Variants in CNTLN observed in about 807,000 individuals in gnomAD.
The protein encoded by CNTLN is centlein, centrosomal protein.
A neutral mutation model predicts 180.0 loss-of-function variants in CNTLN; 212 were observed. That is an observed-to-expected ratio of 1.18 (90% CI 1.05 to 1.32). CNTLN has a LOEUF of 1.32. Ranked by LOEUF, CNTLN falls within the 40% of genes most tolerant of loss-of-function variation. CNTLN has a pLI of 0.00. For synonymous variants in CNTLN, 722 were observed against 563.1 expected, an observed-to-expected ratio of 1.28 and a Z score of -3.99; for missense variants, 2,095 against 1,610.9, an observed-to-expected ratio of 1.30 and a Z score of -5.14.
intron 12 of CNTLN, among the ~76,000 whole-genome samples, chr9:17,361,115 G>T (rs1225385318): frequency 6.6e-6 from 1 of 151,938 alleles, no homozygotes; most frequent in Non-Finnish European, 1.5e-5. Flanking sequence ...CAACGTGCAG[G>T]TTTGTTACAT....
intron 2 of CNTLN, among the ~76,000 whole-genome samples, chr9:17,201,962 G>GT (rs1439595541): frequency 3.3e-5 from 5 of 152,128 alleles, no homozygotes; most frequent in Admixed American, 2.0e-4. Flanking sequence ...GCTTTCTGAT[G>GT]TGGGCATTTA....
At position 17,458,161 on chromosome 9, in the gene CNTLN, C is replaced by G. The variant is rs530159263; in HGVS notation, c.3306+446C>G. On this transcript the variant is annotated intron_variant, in intron 19 of 25. Coordinates refer to ENST00000380647, the MANE Select transcript of CNTLN (RefSeq NM_017738.4). ...CCATTTATCTCCTCCTTCTCTGTCT[C>G]CAACCAACAACCAACTTAAAATAGT... Among the ~76,000 whole-genome samples, 31 of 151,506 alleles carry G rather than the reference C, an allele frequency of 2.0e-4. No homozygotes were observed. The South Asian group carries it at 6.0e-3, about 29-fold the overall frequency.
chr9:17,176,875 G>A (rs1477898186), intron 2 of CNTLN, among the ~76,000 whole-genome samples: 1 of 152,114 alleles, frequency 6.6e-6, no homozygotes, highest in Non-Finnish European at 1.5e-5. Context: ...GTTGTTCACA[G>A]TTTTTTCTTG....
chr9:17,410,238 G>T (rs1392587618), intron 16 of CNTLN, among the ~76,000 whole-genome samples: 2 of 151,956 alleles, frequency 1.3e-5, no homozygotes, highest in Admixed American at 6.5e-5. Context: ...TCTCATTTCA[G>T]CTACTTTTTC....
chr9:17,268,466 C>T (rs1827671663), intron 5 of CNTLN, among the ~76,000 whole-genome samples: 1 of 152,196 alleles, frequency 6.6e-6, no homozygotes, highest in South Asian at 2.1e-4. Context: ...GGGTGCCTCC[C>T]AGTTAGGCTG....
At chr9:17,178,512 G>A (rs1301945893) in intron 2 of CNTLN, among the ~76,000 whole-genome samples, 3 of 152,118 alleles carry the variant, frequency 2.0e-5, no homozygotes, top group Non-Finnish European at 4.4e-5. Flanking sequence ...ACAGCAGGGC[G>A]GGGGCGGGGG....
At chr9:17,480,371 A>C (rs1554729154) in intron 23 of CNTLN, among the ~76,000 whole-genome samples, 4 of 145,638 alleles carry the variant, frequency 2.7e-5, no homozygotes, top group African/African-American at 5.1e-5. Flanking sequence ...AAAAAAAAAA[A>C]CACATTAGGA....
At chr9:17,206,019 TG>T (rs34742841) in intron 2 of CNTLN, among the ~76,000 whole-genome samples, 31,484 of 152,078 alleles carry the variant, frequency 0.21, 3,742 homozygotes, top group African/African-American at 0.33. Flanking sequence ...TGGGTCATTA[TG>T]TCTGAGGCTG....
At chr9:17,270,457 C>G (rs1321667835) in intron 5 of CNTLN, among the ~76,000 whole-genome samples, 1 of 152,072 alleles carries the variant, frequency 6.6e-6, no homozygotes, top group Non-Finnish European at 1.5e-5. Context: ...TTTCTGGAAC[C>G]AAATCATCTC....
Position 17,466,827 on chromosome 9 carries a change from A to T in CNTLN, c.3791A>T (p.Glu1264Val). The T allele has an allele frequency of 6.2e-7, 1 of 1,611,076 alleles. No homozygotes were observed. Among genetic ancestry groups the T allele is most frequent in the Non-Finnish European group, 8.5e-7 (1 of 1,177,930 alleles). The change falls in exon 23 of 26, where the codon GAA becomes GTA. Residue 1264 changes from glutamate (E) to valine (V), a missense_variant. By Grantham distance (121) the Glu-to-Val change is moderately radical. Coordinates refer to ENST00000380647, the MANE Select transcript of CNTLN (RefSeq NM_017738.4). ...GCATTGCAAAGTGAACAGGTCCTAG[A>T]AGGTGCACAGAAGACATTGCTGTTA... ...ELALQSEQVLEGAQKTLLLAN... is the reference protein window; with the variant it reads ...ELALQSEQVLVGAQKTLLLAN...
intron 23 of CNTLN, among the ~76,000 whole-genome samples, chr9:17,481,385 C>T (rs1041967707): frequency 6.6e-6 from 1 of 152,208 alleles, no homozygotes; most frequent in African/African-American, 2.4e-5. Flanking sequence ...ACATCAACAG[C>T]CTCACCTGGT....
chr9:17,249,255 G>C (rs996590575), intron 5 of CNTLN, among the ~76,000 whole-genome samples: 2 of 151,178 alleles, frequency 1.3e-5, no homozygotes, highest in Non-Finnish European at 2.9e-5. Flanking sequence ...ACATGGTATA[G>C]TTTTGTCGTG....
chr9:17,219,076 A>G (rs1282589846), intron 2 of CNTLN, among the ~76,000 whole-genome samples: 1 of 152,148 alleles, frequency 6.6e-6, no homozygotes, highest in African/African-American at 2.4e-5. Flanking sequence ...TTGGTGCTTA[A>G]AAGTTGTACA....
At chr9:17,446,748 T>G (rs1830448027) in intron 18 of CNTLN, among the ~76,000 whole-genome samples, 1 of 152,190 alleles carries the variant, frequency 6.6e-6, no homozygotes, top group South Asian at 2.1e-4. Context: ...GATATTGATT[T>G]CCTCTGGCTA....
chr9:17,219,002 A>G (rs1174137885), intron 2 of CNTLN, among the ~76,000 whole-genome samples: 1 of 152,188 alleles, frequency 6.6e-6, no homozygotes, highest in African/African-American at 2.4e-5. Flanking sequence ...TAGCGTGGTA[A>G]TTCATGTGGC....
chr9:17,526,937 G>A, the CNTLN span, among the ~76,000 whole-genome samples: 1 of 152,092 alleles, frequency 6.6e-6, no homozygotes, highest in South Asian at 2.1e-4. Context: ...GAGTTCTGTT[G>A]TGCAATCTCA....
At chr9:17,490,962 T>C (rs905879789) in intron 25 of CNTLN, among the ~76,000 whole-genome samples, 1 of 152,084 alleles carries the variant, frequency 6.6e-6, no homozygotes, top group Non-Finnish European at 1.5e-5. Flanking sequence ...TTCTTTTCAG[T>C]TGGCACATAA....
chr9:17,272,437 G>T (rs893872699), intron 5 of CNTLN, among the ~76,000 whole-genome samples: 7 of 152,020 alleles, frequency 4.6e-5, no homozygotes, highest in Admixed American at 1.3e-4. Context: ...AGATTTTGAA[G>T]GGTGTGTCTT....
rs371964131 is a variant in CNTLN, at chr9:17,277,058, G to GA, written c.983+3193dup. On this transcript the variant is annotated intron_variant, in intron 6 of 25. Coordinates refer to ENST00000380647, the MANE Select transcript of CNTLN (RefSeq NM_017738.4). ...AATTGCCTAACCAAAACTTTTACCT[G>GA]ATGGTAATGATGGAGCTACTGTTTC... Among the ~76,000 whole-genome samples, 14 of 136,576 alleles carry GA rather than the reference G, an allele frequency of 1.0e-4. 1 individual carries two copies. The highest frequency in any genetic ancestry group is 2.2e-4 in the East Asian group (1 of 4,456). 89.6% of individuals were successfully genotyped at this position (136,576 alleles called of 152,430 possible).
Sources: gnomAD v4.1 joint callset for allele counts (sites outside exome capture counted in the v4.1 genomes callset) on GRCh38, gnomAD v4.1.1 for gene constraint, MANE v1.5 for transcripts, NCBI Gene and HGNC (gene_info 2026-07-23, HGNC 2026-07-21) for gene names.